The following CPED1 variants were observed in gnomAD, a reference collection of about 807,000 sequenced individuals.
The protein encoded by CPED1 is cadherin like and PC-esterase domain containing 1.
CPED1 carries 114 observed loss-of-function variants against 128.2 expected under a neutral mutation model. The observed-to-expected ratio is 0.89, with a 90% CI of 0.76 to 1.04. CPED1 has a LOEUF of 1.04. CPED1 is among the 50% of genes least tolerant of loss of function. The pLI is 0.00. For synonymous variants in CPED1, 462 were observed against 426.7 expected (o/e 1.08, Z -1.02); for missense variants, 1,211 against 1,207.1 (o/e 1.00, Z -0.05).
At chr7:121,127,757 A>T (rs1198577638) in intron 10 of CPED1, among the ~76,000 whole-genome samples, 1 of 151,934 alleles carries the variant, frequency 6.6e-6, no homozygotes, top group Non-Finnish European at 1.5e-5. Flanking sequence ...GCTGGTCTTG[A>T]ACTCCTGACC....
chr7:121,242,487 A>G (rs1044386793), intron 17 of CPED1, among the ~76,000 whole-genome samples: 28 of 152,352 alleles, frequency 1.8e-4, no homozygotes, highest in African/African-American at 6.7e-4. Flanking sequence ...AATAATGCCT[A>G]ACACTTCAAC....
intron 7 of CPED1, among the ~76,000 whole-genome samples, chr7:121,112,824 C>T (rs1478726863): frequency 1.3e-5 from 2 of 152,072 alleles, no homozygotes; most frequent in Non-Finnish European, 2.9e-5. Flanking sequence ...AATTTGTGAC[C>T]ATTTTTTTGC....
At chr7:120,995,965 TC>T (rs1562985596) in intron 2 of CPED1, among the ~76,000 whole-genome samples, 306 of 144,400 alleles carry the variant, frequency 2.1e-3, no homozygotes, top group African/African-American at 7.7e-3. Flanking sequence ...CTCCTCCTCC[TC>T]CTCCTTCTTC....
chr7:121,078,023 C>T lies in CPED1; in HGVS notation c.616+13710C>T, dbSNP rs146396184. ...GTTTTTCGCTTCTTACTTTTTACTT[C>T]ATACTACTATATGATTTGTATTTTT... On this transcript the variant is annotated intron_variant, in intron 5 of 22. Transcript: ENST00000310396. 3.0e-3 allele frequency among the ~76,000 whole-genome samples: 458 copies of T among 151,716 alleles called. 1 individual carries two copies. The highest frequency in any genetic ancestry group is 0.014 in the Middle Eastern group (4 of 292).
chr7:120,996,313 G>A (rs41696), intron 2 of CPED1, among the ~76,000 whole-genome samples: 117,073 of 152,044 alleles, frequency 0.77, 45,383 homozygotes, highest in African/African-American at 0.82. Flanking sequence ...ATTATCCTTA[G>A]AAATTTTTAA....
At chr7:121,068,961 T>C (rs191553211) in intron 5 of CPED1, among the ~76,000 whole-genome samples, 1 of 152,238 alleles carries the variant, frequency 6.6e-6, no homozygotes, top group African/African-American at 2.4e-5. Flanking sequence ...ACCCAGAGCT[T>C]AGGAAGTTTG....
chr7:121,127,196 AATC>A lies in CPED1; in HGVS notation c.1246_1248del (p.Ser416del), dbSNP rs756863190. Reference sequence around the variant, plus strand: ...ACTTTCAATTTTCTCTTCCCTAATGAATCATCACTTTCCATATTTTCTGAGATA... The same window carrying A: ...ACTTTCAATTTTCTCTTCCCTAATGAATCACTTTCCATATTTTCTGAGATA... On this transcript the variant is annotated inframe_deletion, in exon 10 of 23. Coordinates refer to ENST00000310396, the MANE Select transcript of CPED1 (RefSeq NM_024913.5). 2 of 1,593,722 alleles carry A rather than the reference AATC, an allele frequency of 1.3e-6. No individual in the cohort carries two copies. The highest frequency in any genetic ancestry group is 8.6e-7 in the Non-Finnish European group (1 of 1,163,546).
At chr7:121,037,190 T>G (rs1039987973) in intron 3 of CPED1, among the ~76,000 whole-genome samples, 3 of 152,068 alleles carry the variant, frequency 2.0e-5, no homozygotes, top group Non-Finnish European at 4.4e-5. Flanking sequence ...TGCTTTTGGG[T>G]TTTTGGTCAT....
intron 16 of CPED1, among the ~76,000 whole-genome samples, chr7:121,183,930 A>G (rs1796949140): frequency 6.6e-6 from 1 of 152,140 alleles, no homozygotes; most frequent in Admixed American, 6.6e-5. Flanking sequence ...ACTTCAGGCC[A>G]GGAATTCAAG....
chr7:121,193,003 G>T (rs1797180857), intron 16 of CPED1, among the ~76,000 whole-genome samples: 1 of 152,174 alleles, frequency 6.6e-6, no homozygotes, highest in South Asian at 2.1e-4. Flanking sequence ...ACCTAGATCA[G>T]GTTTCCTTTT....
chr7:121,157,322 T>C (rs1404385007), intron 16 of CPED1, among the ~76,000 whole-genome samples: 19 of 152,152 alleles, frequency 1.2e-4, no homozygotes, highest in Admixed American at 1.1e-3. Context: ...TACGATATCA[T>C]TAATATAGTG....
At chr7:121,064,591 G>T (rs1006564288) in intron 5 of CPED1, among the ~76,000 whole-genome samples, 1 of 152,090 alleles carries the variant, frequency 6.6e-6, no homozygotes, top group African/African-American at 2.4e-5. Context: ...TAAAACAATT[G>T]CTGCTTTATT....
chr7:121,099,031 A>G (rs947833182), intron 6 of CPED1, among the ~76,000 whole-genome samples: 2 of 150,310 alleles, frequency 1.3e-5, no homozygotes, highest in Non-Finnish European at 3.0e-5. Flanking sequence ...AATTTTTTTA[A>G]TTTTTTAATA....
chr7:121,001,630 C>A (rs1313057121), intron 2 of CPED1, among the ~76,000 whole-genome samples: 1 of 152,066 alleles, frequency 6.6e-6, no homozygotes, highest in Non-Finnish European at 1.5e-5. Context: ...CTAGAAACCA[C>A]CAGAACAAAC....
At chr7:121,137,894 A>T (rs1795818651) in intron 14 of CPED1, among the ~76,000 whole-genome samples, 1 of 152,084 alleles carries the variant, frequency 6.6e-6, no homozygotes, top group African/African-American at 2.4e-5. Flanking sequence ...CCAGAAAGCA[A>T]CTTCGCCTCT....
intron 3 of CPED1, among the ~76,000 whole-genome samples, chr7:121,045,960 T>C (rs1273169263): frequency 6.6e-6 from 1 of 152,106 alleles, no homozygotes; most frequent in South Asian, 2.1e-4. Flanking sequence ...TCTCAAGGGG[T>C]AGTTATTCAT....
chr7:121,260,650 C>T (rs1243579178), intron 18 of CPED1, among the ~76,000 whole-genome samples: 1 of 120,592 alleles, frequency 8.3e-6, no homozygotes, highest in Non-Finnish European at 1.8e-5. Flanking sequence ...TTTTATTTCC[C>T]TTATCTATAG....
At chr7:121,118,322 G>A (rs1176126544) in intron 7 of CPED1, among the ~76,000 whole-genome samples, 1 of 152,130 alleles carries the variant, frequency 6.6e-6, no homozygotes, top group African/African-American at 2.4e-5. Flanking sequence ...CAGCACTTTG[G>A]GAGGCTGAGG....
intron 18 of CPED1, among the ~76,000 whole-genome samples, chr7:121,264,956 C>G (rs1792092682): frequency 6.6e-6 from 1 of 151,958 alleles, no homozygotes; most frequent in Non-Finnish European, 1.5e-5. Flanking sequence ...ACACAAAAAG[C>G]CATAATTTTA....
Sources: gnomAD v4.1 joint callset for allele counts (sites outside exome capture counted in the v4.1 genomes callset) on GRCh38, gnomAD v4.1.1 for gene constraint, MANE v1.5 for transcripts, NCBI Gene and HGNC (gene_info 2026-07-23, HGNC 2026-07-21) for gene names.